SPOCK3: variants seen among roughly 807,000 people sequenced by gnomAD.
The protein encoded by SPOCK3 is testican-3.
A neutral mutation model predicts 56.6 loss-of-function variants in SPOCK3; 30 were observed. The ratio of observed to expected loss-of-function variants is 0.53; its 90% CI spans 0.40 to 0.72. The LOEUF is 0.72. SPOCK3 is among the 30% of genes least tolerant of loss of function. SPOCK3 has a pLI of 0.00. For synonymous variants in SPOCK3, 196 were observed against 183.3 expected, an observed-to-expected ratio of 1.07 and a Z score of -0.56; for missense variants, 527 against 530.0, an observed-to-expected ratio of 0.99 and a Z score of 0.06.
chr4:166,861,688 T>C (rs943921374), intron 6 of SPOCK3, among the ~76,000 whole-genome samples: 4 of 152,124 alleles, frequency 2.6e-5, no homozygotes, highest in Non-Finnish European at 5.9e-5. Flanking sequence ...TCTGAACTCA[T>C]GCTGGTCATC....
rs1756095796 is a variant in SPOCK3 at position 167,066,039 on chromosome 4, T to C, written c.190-3502A>G. Among the ~76,000 whole-genome samples the C allele has an allele frequency of 2.0e-5, 3 of 152,086 alleles. No individual in the cohort carries two copies. The South Asian group carries it at 6.2e-4, about 32-fold the overall frequency. On this transcript the variant is annotated intron_variant, in intron 2 of 10. Coordinates refer to ENST00000357545, the MANE Select transcript of SPOCK3 (RefSeq NM_001040159.2). ...TAATATTAAACCACTGCCTACTTCT[T>C]GTACTTACAGAAATAATAACTATAA...
chr4:166,948,170 C>T (rs1477266910), intron 4 of SPOCK3, among the ~76,000 whole-genome samples: 2 of 152,298 alleles, frequency 1.3e-5, no homozygotes, highest in African/African-American at 2.4e-5. Context: ...CCAGTTTCAT[C>T]CCTGTTATTG....
intron 2 of SPOCK3, among the ~76,000 whole-genome samples, chr4:167,093,519 A>G (rs990139042): frequency 6.6e-6 from 1 of 151,806 alleles, no homozygotes; most frequent in African/African-American, 2.4e-5. Context: ...TTCAACTCCC[A>G]CTTATGAGTG....
chr4:166,827,361 G>T (rs1385604481), intron 6 of SPOCK3, among the ~76,000 whole-genome samples: 1 of 152,096 alleles, frequency 6.6e-6, no homozygotes, highest in Non-Finnish European at 1.5e-5. Flanking sequence ...GTTTACCTGA[G>T]ATATGGATGT....
chr4:166,784,364 T>A (rs1740518640), intron 7 of SPOCK3, among the ~76,000 whole-genome samples: 1 of 152,118 alleles, frequency 6.6e-6, no homozygotes. Flanking sequence ...TAGCTATATA[T>A]GAATCGTATA....
chr4:167,158,971 A>G (rs1765049985), intron 2 of SPOCK3, among the ~76,000 whole-genome samples: 1 of 152,018 alleles, frequency 6.6e-6, no homozygotes. Context: ...GTTCATACAT[A>G]CATAGTTAGA....
In SPOCK3 at chr4:166,741,912, G is replaced by A; in HGVS notation, c.994+85C>T. The A allele has an allele frequency of 4.1e-6, 4 of 971,960 alleles. No homozygotes were observed. The South Asian group carries it at 4.2e-5, about 10-fold the overall frequency. The allele number at this position is 971,960 out of a possible 1,614,324, so 60.2% of individuals were successfully genotyped here. The stretch of plus-strand genomic sequence containing the variant: ...AAATTTAGTGCAGTCTATCTTTGTT[G>A]GATTAATATTGATTTTATGTTGCTG... On this transcript the variant is annotated intron_variant, in intron 9 of 10. Transcript: ENST00000357545.
chr4:167,027,874 AG>A (rs1022999294), intron 3 of SPOCK3, among the ~76,000 whole-genome samples: 28 of 151,954 alleles, frequency 1.8e-4, no homozygotes, highest in Admixed American at 3.3e-4. Context: ...ATTTGTGTTG[AG>A]GAAACACACA....
intron 4 of SPOCK3, among the ~76,000 whole-genome samples, chr4:166,931,138 C>G (rs562031275): frequency 1.3e-5 from 2 of 152,266 alleles, no homozygotes; most frequent in South Asian, 4.1e-4. Flanking sequence ...CCCGCCACCA[C>G]GCCCAGCTAA....
chr4:167,055,790 G>A (rs2150230518), intron 3 of SPOCK3, among the ~76,000 whole-genome samples: 1 of 152,314 alleles, frequency 6.6e-6, no homozygotes, highest in South Asian at 2.1e-4. Context: ...GATAAACAAA[G>A]CAGCCAGGAA....
At chr4:167,222,788 T>A (rs1234697994) in intron 2 of SPOCK3, among the ~76,000 whole-genome samples, 1 of 123,382 alleles carries the variant, frequency 8.1e-6, no homozygotes, top group Non-Finnish European at 1.6e-5. Context: ...TATATAAACA[T>A]AGATATATAT....
Position 166,754,698 on chromosome 4 carries a change from C to A in SPOCK3, c.741G>T (p.Lys247Asn), listed in dbSNP as rs747867980. ...RFDTSILPIC[K>N]DSLGWMFNRL... is the part of the protein sequence containing the mutation. ...TGTTAAACATCCAGCCAAGTGAGTC[C>A]TTGCAAATTGGCAAGATGCTGGTAT... is the stretch of plus-strand genomic sequence containing the variant. The change falls in exon 8 of 11, where the codon AAG (lysine) becomes AAT (asparagine). Residue 247 changes from lysine (K) to asparagine (N), a missense_variant. By Grantham distance (94) the Lys-to-Asn change is moderately conservative. Transcript: ENST00000357545. 1.2e-6 allele frequency: 2 copies of A among 1,613,288 alleles called. No homozygotes were observed. Among genetic ancestry groups the A allele is most frequent in the Non-Finnish European group, 1.7e-6 (2 of 1,179,644 alleles).
At chr4:166,898,974 C>G (rs895508319) in intron 5 of SPOCK3, among the ~76,000 whole-genome samples, 1 of 151,964 alleles carries the variant, frequency 6.6e-6, no homozygotes, top group Non-Finnish European at 1.5e-5. Flanking sequence ...GGTTGAGGGT[C>G]TGGATAGAAT....
At chr4:167,077,639 C>T (rs1757318303) in intron 2 of SPOCK3, among the ~76,000 whole-genome samples, 1 of 151,794 alleles carries the variant, frequency 6.6e-6, no homozygotes, top group Non-Finnish European at 1.5e-5. Flanking sequence ...TAATGTGGCC[C>T]AATACTAATA....
chr4:166,938,130 G>T (rs1729922833), intron 4 of SPOCK3, among the ~76,000 whole-genome samples: 2 of 151,786 alleles, frequency 1.3e-5, no homozygotes, highest in African/African-American at 4.8e-5. Flanking sequence ...TTTAACAGAT[G>T]ACTAGAAGTG....
chr4:166,965,792 G>T (rs138169381), intron 4 of SPOCK3, among the ~76,000 whole-genome samples: 1 of 151,814 alleles, frequency 6.6e-6, no homozygotes, highest in South Asian at 2.1e-4. Context: ...CCCTATTATC[G>T]ACATCCCCAC....
In SPOCK3 at chr4:167,131,579, G is replaced by A. The variant is rs1047240424; in HGVS notation, c.190-69042C>T. 3.2e-4 allele frequency among the ~76,000 whole-genome samples: 49 copies of A among 152,124 alleles called. No individual in the cohort carries two copies. The Middle Eastern group carries it at 0.01, about 32-fold the overall frequency. ...GATCACGCCATTGCACTCCAGCCTG[G>A]GCGACAGAGCAAGACTCCGTCCCCC... On this transcript the variant is annotated intron_variant, in intron 2 of 10. Transcript: ENST00000357545.
intron 4 of SPOCK3, among the ~76,000 whole-genome samples, chr4:166,980,310 AAATG>A (rs1419235645): frequency 2.6e-5 from 4 of 152,272 alleles, no homozygotes; most frequent in African/African-American, 7.2e-5. Flanking sequence ...ATTGTTGAAT[AAATG>A]AATGAAGAGA....
chr4:166,866,290 T>C (rs1328015619), intron 6 of SPOCK3, among the ~76,000 whole-genome samples: 1 of 152,160 alleles, frequency 6.6e-6, no homozygotes, highest in Non-Finnish European at 1.5e-5. Context: ...TCAAGATGGA[T>C]TAAAGACTTA....
Sources: gnomAD v4.1 joint callset for allele counts (sites outside exome capture counted in the v4.1 genomes callset) on GRCh38, gnomAD v4.1.1 for gene constraint, MANE v1.5 for transcripts, NCBI Gene and HGNC (gene_info 2026-07-23, HGNC 2026-07-21) for gene names.